Variants in DRC2 observed in about 807,000 individuals in gnomAD.
DRC2 encodes dynein regulatory complex subunit 2.
At chr12:48,918,948 C>T in the DRC2 span, 3 of 1,482,770 alleles carry the variant, frequency 2.0e-6, no homozygotes, top group Non-Finnish European at 2.8e-6. Context: ...AAGGAACCTG[C>T]CTCCCTGCAA....
chr12:48,904,969 C>G, the DRC2 span: 15 of 1,610,504 alleles, frequency 9.3e-6, no homozygotes, highest in Admixed American at 8.4e-5. Context: ...AGGAGGAACA[C>G]AACAGTGCTC....
chr12:48,912,437 C>CAAAAAAAAAAAAAAAAAAAAAAA, the DRC2 span, among the ~76,000 whole-genome samples: 112 of 45,348 alleles, frequency 2.5e-3, 19 homozygotes, highest in African/African-American at 5.9e-3. Flanking sequence ...GACGCCGTCT[C>CAAAAAAAAAAAAAAAAAAAAAAA]AAAAAAAAAA....
the DRC2 span, among the ~76,000 whole-genome samples, chr12:48,913,253 T>C: frequency 2.6e-5 from 4 of 151,862 alleles, no homozygotes; most frequent in African/African-American, 9.7e-5. Flanking sequence ...TCACTGCAAA[T>C]GTTAGTCATC....
At chr12:48,921,080 A>G in the DRC2 span, 1 of 1,611,048 alleles carries the variant, frequency 6.2e-7, no homozygotes. Context: ...GGAGCTCACC[A>G]AGGTAAAGCC....
chr12:48,906,478 T>A, the DRC2 span, among the ~76,000 whole-genome samples: 1 of 151,484 alleles, frequency 6.6e-6, no homozygotes, highest in African/African-American at 2.4e-5. Context: ...GAGATGGGGT[T>A]TCTTCATGTC....
the DRC2 span, chr12:48,921,050 A>T: frequency 6.2e-7 from 1 of 1,612,172 alleles, no homozygotes; most frequent in Non-Finnish European, 8.5e-7. Flanking sequence ...TCAGAAGAAT[A>T]ATCTAGAAGA....
the DRC2 span, among the ~76,000 whole-genome samples, chr12:48,920,448 A>AAAAAAAT: frequency 7.4e-6 from 1 of 134,646 alleles, no homozygotes; most frequent in African/African-American, 2.5e-5. Flanking sequence ...TCTTAAAAAA[A>AAAAAAAT]AAAAAAAAAA....
At chr12:48,910,849 G>A in the DRC2 span, among the ~76,000 whole-genome samples, 2 of 152,006 alleles carry the variant, frequency 1.3e-5, no homozygotes, top group East Asian at 1.9e-4. Context: ...GTTCGAGATC[G>A]GCCTGGGCAA....
At chr12:48,915,001 G>C in the DRC2 span, among the ~76,000 whole-genome samples, 1 of 151,756 alleles carries the variant, frequency 6.6e-6, no homozygotes, top group African/African-American at 2.4e-5. Context: ...TGGGATTACA[G>C]GTGCGTGCCA....
At chr12:48,909,631 C>T in the DRC2 span, among the ~76,000 whole-genome samples, 12 of 152,100 alleles carry the variant, frequency 7.9e-5, no homozygotes, top group African/African-American at 2.2e-4. Flanking sequence ...GCGTGCGCCA[C>T]GACACTCAGC....
chr12:48,905,251 G>T, the DRC2 span: 1 of 792,430 alleles, frequency 1.3e-6, no homozygotes, highest in Non-Finnish European at 1.9e-6. Flanking sequence ...GGTTTTCACA[G>T]AAATAAAAAA....
the DRC2 span, chr12:48,904,543 A>C: frequency 1.8e-5 from 28 of 1,529,826 alleles, no homozygotes; most frequent in African/African-American, 2.8e-5. Flanking sequence ...AGGAAACCTC[A>C]TTTTCATCCT....
chr12:48,910,905 C>T, the DRC2 span, among the ~76,000 whole-genome samples: 254 of 152,144 alleles, frequency 1.7e-3, no homozygotes, highest in African/African-American at 4.3e-3. Context: ...ATTAGCCGGG[C>T]ATGGTGGTAT....
the DRC2 span, chr12:48,904,365 C>G: frequency 6.2e-7 from 1 of 1,613,820 alleles, no homozygotes; most frequent in Non-Finnish European, 8.5e-7. Flanking sequence ...ATGGCCAAGA[C>G]GCCCCTGTCC....
the DRC2 span, among the ~76,000 whole-genome samples, chr12:48,913,395 C>T: frequency 6.6e-6 from 1 of 151,872 alleles, no homozygotes; most frequent in African/African-American, 2.4e-5. Flanking sequence ...ACTTGGCCTC[C>T]CGGGTTCAAG....
At chr12:48,904,444 G>A in the DRC2 span, 3 of 1,613,908 alleles carry the variant, frequency 1.9e-6, no homozygotes, top group Non-Finnish European at 2.5e-6. Flanking sequence ...AAAAGAAGGA[G>A]AGGCTCCTCA....
the DRC2 span, among the ~76,000 whole-genome samples, chr12:48,914,733 C>A: frequency 6.6e-6 from 1 of 152,222 alleles, no homozygotes; most frequent in Non-Finnish European, 1.5e-5. Flanking sequence ...TTTAAACAAA[C>A]TCGGGCTTAA....
chr12:48,917,250 A>G, the DRC2 span: 1 of 890,578 alleles, frequency 1.1e-6, no homozygotes, highest in Non-Finnish European at 1.7e-6. Context: ...TGGGAGTTCA[A>G]GACTAGCCTG....
At chr12:48,920,441 TAAAAAAAA>T in the DRC2 span, among the ~76,000 whole-genome samples, 4,643 of 67,834 alleles carry the variant, frequency 0.068, 327 homozygotes, top group Non-Finnish European at 0.093. Context: ...AACTCCATCT[TAAAAAAAA>T]AAAAAAAAAA....
Sources: gnomAD v4.1 joint callset for allele counts (sites outside exome capture counted in the v4.1 genomes callset) on GRCh38, gnomAD v4.1.1 for gene constraint, MANE v1.5 for transcripts, NCBI Gene and HGNC (gene_info 2026-07-23, HGNC 2026-07-21) for gene names.